Variants in RBFOX3 observed in about 807,000 individuals in gnomAD.
RBFOX3 encodes the protein RNA binding fox-1 homolog 3.
Under a neutral mutation model 48.7 loss-of-function variants are expected in RBFOX3, and 17 were observed. The observed-to-expected ratio is 0.35, with a 90% CI of 0.24 to 0.52. The LOEUF (loss-of-function observed/expected upper bound fraction) is 0.52, where lower values mean the gene tolerates loss of function less well. RBFOX3 is among the 20% of genes least tolerant of loss of function. The pLI is 0.94. For synonymous variants in RBFOX3, 212 were observed against 209.5 expected (o/e 1.01, Z -0.10); for missense variants, 382 against 497.5 (o/e 0.77, Z 2.21).
intron 14 of RBFOX3, chr17:79,092,706 A>G: frequency 1.2e-6 from 1 of 834,142 alleles, no homozygotes; most frequent in Non-Finnish European, 1.4e-6. Flanking sequence ...AAAAAGCAAA[A>G]AGAAAAAAAA....
In RBFOX3 at chr17:79,103,576, G is replaced by A. The variant is rs1179635367; in HGVS notation, c.415-322C>T. Among the ~76,000 whole-genome samples, 1 of 152,168 alleles carries A rather than the reference G, an allele frequency of 6.6e-6. No homozygotes were observed. Among genetic ancestry groups the A allele is most frequent in the Non-Finnish European group, 1.5e-5 (1 of 68,016 alleles). The stretch of plus-strand genomic sequence containing the variant: ...AGACGCCATACCTGACCACAGGCCA[G>A]GCCTGCCCCCTGAACCCCACCTTGG... On this transcript the variant is annotated intron_variant, in intron 7 of 14. Transcript: ENST00000693108. This position sits in a 1 kb window ranked among gnomAD's most constrained non-coding sequence, Gnocchi z 6.1.
chr17:79,343,878 C>T (rs183245020), intron 2 of RBFOX3, among the ~76,000 whole-genome samples: 1 of 152,276 alleles, frequency 6.6e-6, no homozygotes, highest in East Asian at 1.9e-4. Context: ...TGGACACAGC[C>T]TGCCCGTATC....
At chr17:79,329,454 AGC>A (rs2079867242) in intron 2 of RBFOX3, among the ~76,000 whole-genome samples, 2 of 152,082 alleles carry the variant, frequency 1.3e-5, no homozygotes, top group Admixed American at 6.5e-5. Context: ...CTCCCACCGT[AGC>A]AGTTCCTGCT....
rs112809737 is a variant in RBFOX3, at chr17:79,230,768, C to T, written c.-34+4998G>A. On this transcript the variant is annotated intron_variant, in intron 4 of 14. Transcript: ENST00000693108. ...GAGTGCTTCTGACAGCCCTGTAGCT[C>T]GTCTCCTTCCACCCTGCAGGGGACT... Among the ~76,000 whole-genome samples, 925 of 152,230 alleles carry T rather than the reference C, an allele frequency of 6.1e-3. 9 individuals carry two copies. Among genetic ancestry groups the T allele is most frequent in the African/African-American group, 0.02 (829 of 41,536 alleles).
chr17:79,512,528 C>A (rs1555781683), intron 1 of RBFOX3, among the ~76,000 whole-genome samples: 1 of 147,342 alleles, frequency 6.8e-6, no homozygotes. Context: ...CACCCAGATA[C>A]ATGTTACCAT....
At chr17:79,644,876 G>C in the RBFOX3 span, among the ~76,000 whole-genome samples, 1 of 152,130 alleles carries the variant, frequency 6.6e-6, no homozygotes, top group Non-Finnish European at 1.5e-5. Context: ...AATCCCAACA[G>C]GCTTCTTTGT....
Position 79,115,694 on chromosome 17 carries a change from C to CGGGGGGGTTGGGGGG in RBFOX3, c.21_22insCCCCCCAACCCCCCC (p.Pro7_Ala8insProProAsnProPro). 1 of 147,668 alleles carries CGGGGGGGTTGGGGGG rather than the reference C, an allele frequency of 6.8e-6. No homozygotes were observed. The highest frequency in any genetic ancestry group is 1.2e-5 in the Non-Finnish European group (1 of 85,440). 9.1% of individuals were successfully genotyped at this position (147,668 alleles called of 1,614,324 possible). On this transcript the variant is annotated inframe_insertion, in exon 5 of 15. Coordinates refer to ENST00000693108, the MANE Select transcript of RBFOX3 (RefSeq NM_001350451.2). ...TTCTGTGGCGGAGGGGGGTACTGGG[C>CGGGGGGGTTGGGGGG]GGGGGGGTAGGGCTGGGCCATCGCT...
intron 4 of RBFOX3, among the ~76,000 whole-genome samples, chr17:79,177,017 C>A (rs956568865): frequency 2.0e-5 from 3 of 152,194 alleles, no homozygotes; most frequent in African/African-American, 7.2e-5. Context: ...AATCCACTGG[C>A]CTCCCCTAGT....
Position 79,296,892 on chromosome 17 carries a change from C to T in RBFOX3, c.-74+10832G>A, listed in dbSNP as rs1285978555. On this transcript the variant is annotated intron_variant, in intron 3 of 14. Transcript: ENST00000693108. The stretch of plus-strand genomic sequence containing the variant: ...CTTTCCTTCTCCTCCTCTCCCTCTT[C>T]TCCTCTTTTTCCTCCTCCCCATCCC... Among the ~76,000 whole-genome samples, 3 of 125,212 alleles carry T rather than the reference C, an allele frequency of 2.4e-5. No homozygotes were observed. The Admixed American group carries it at 2.4e-4, about 10-fold the overall frequency. 82.1% of individuals were successfully genotyped at this position (125,212 alleles called of 152,430 possible).
intron 3 of RBFOX3, among the ~76,000 whole-genome samples, chr17:79,267,698 A>G (rs2066949410): frequency 6.6e-6 from 1 of 151,926 alleles, no homozygotes; most frequent in Non-Finnish European, 1.5e-5. Context: ...GCCCCATGTC[A>G]CTCTCTATGG....
intron 3 of RBFOX3, among the ~76,000 whole-genome samples, chr17:79,251,131 T>A (rs923566696): frequency 6.6e-6 from 1 of 152,072 alleles, no homozygotes; most frequent in African/African-American, 2.4e-5. Context: ...GAGCTCAGCC[T>A]CCTCAGCAGC....
the RBFOX3 span, among the ~76,000 whole-genome samples, chr17:79,656,818 AAAG>A: frequency 4.1e-5 from 4 of 98,338 alleles, no homozygotes; most frequent in Non-Finnish European, 8.8e-5. Context: ...AAAGAAAGAG[AAAG>A]AAAGAAAGAA....
At chr17:79,598,709 A>G (rs2093631658) in intron 1 of RBFOX3, 1 of 151,906 alleles carries the variant, frequency 6.6e-6, no homozygotes, top group Non-Finnish European at 1.5e-5. Context: ...AACCATGGCA[A>G]CTCCAGGAAG....
chr17:79,138,425 ACT>A (rs1253300417), intron 4 of RBFOX3, among the ~76,000 whole-genome samples: 1 of 151,548 alleles, frequency 6.6e-6, no homozygotes, highest in African/African-American at 2.4e-5. Flanking sequence ...CTCACTCCAC[ACT>A]CTCACACTGT....
At chr17:79,637,587 C>G in the RBFOX3 span, among the ~76,000 whole-genome samples, 1 of 151,598 alleles carries the variant, frequency 6.6e-6, no homozygotes, top group Non-Finnish European at 1.5e-5. Flanking sequence ...CCCAGCTACT[C>G]AGGAGGATGA....
At chr17:79,262,796 G>T (rs1389024551) in intron 3 of RBFOX3, among the ~76,000 whole-genome samples, 4 of 152,270 alleles carry the variant, frequency 2.6e-5, no homozygotes, top group Non-Finnish European at 5.9e-5. Flanking sequence ...CTCCCTGTTG[G>T]ATGGAAACCA....
intron 4 of RBFOX3, among the ~76,000 whole-genome samples, chr17:79,167,345 C>CTT (rs1664756624): frequency 6.6e-6 from 1 of 152,018 alleles, no homozygotes; most frequent in Non-Finnish European, 1.5e-5. Flanking sequence ...TCTGGGGTCT[C>CTT]TATCAGGCTC....
At chr17:79,246,783 G>T (rs1343943717) in intron 3 of RBFOX3, among the ~76,000 whole-genome samples, 1 of 152,186 alleles carries the variant, frequency 6.6e-6, no homozygotes, top group Non-Finnish European at 1.5e-5. Flanking sequence ...GACCGAGGAC[G>T]CGGCCTCCCA....
intron 4 of RBFOX3, among the ~76,000 whole-genome samples, chr17:79,143,834 G>T (rs75747885): frequency 0.012 from 1,788 of 152,302 alleles, 38 homozygotes; most frequent in African/African-American, 0.041. Context: ...ATTTTCAGTC[G>T]GTGAGGACCC....
Sources: allele counts gnomAD v4.1 joint callset (sites outside exome capture counted in the v4.1 genomes callset), GRCh38; gene constraint gnomAD v4.1.1; non-coding constraint Gnocchi (gnomAD v3.1); transcripts MANE v1.5; gene names NCBI Gene and HGNC (gene_info 2026-07-23, HGNC 2026-07-21).